The following ASPSCR1 variants were observed in gnomAD, a reference collection of about 807,000 sequenced individuals.
The protein encoded by ASPSCR1 is ASPSCR1 tether for SLC2A4, UBX domain containing.
ASPSCR1 carries 55 observed loss-of-function variants against 68.9 expected under a neutral mutation model. That is an observed-to-expected ratio of 0.80 (90% confidence interval 0.64 to 1.00). The LOEUF (loss-of-function observed/expected upper bound fraction) is 1.00, where lower values mean the gene tolerates loss of function less well. ASPSCR1 is among the 50% of genes least tolerant of loss of function. The pLI is 0.00. For missense variants in ASPSCR1, 765 were observed against 762.2 expected (o/e 1.00, Z -0.04); for synonymous variants, 352 against 332.6 (o/e 1.06, Z -0.63).
intron 4 of ASPSCR1, among the ~76,000 whole-genome samples, chr17:81,994,605 T>C (rs1312296913): frequency 1.3e-5 from 2 of 152,146 alleles, no homozygotes; most frequent in Non-Finnish European, 2.9e-5. Context: ...CCAGGGTCCT[T>C]GGGAGCGCCC....
chr17:82,013,565 G>A (rs1012482708), intron 12 of ASPSCR1: 10 of 152,228 alleles, frequency 6.6e-5, no homozygotes, highest in Admixed American at 1.3e-4. Context: ...GGCGGCGGGC[G>A]CGGAAGCACC....
chr17:82,010,528 CAAAAAAAAAA>C (rs1193895939), intron 9 of ASPSCR1, among the ~76,000 whole-genome samples: 1 of 57,184 alleles, frequency 1.7e-5, no homozygotes, highest in African/African-American at 7.3e-5. Flanking sequence ...GACTCCATCT[CAAAAAAAAAA>C]AAAAAAAAAA....
chr17:82,004,479 G>T (rs938033312), intron 7 of ASPSCR1: 2 of 152,376 alleles, frequency 1.3e-5, no homozygotes, highest in African/African-American at 4.8e-5. Flanking sequence ...GCAGAAGCAT[G>T]CAGGGGCTTC....
At chr17:82,015,600 G>A (rs2043096615) in intron 12 of ASPSCR1, 1 of 579,208 alleles carries the variant, frequency 1.7e-6, no homozygotes, top group South Asian at 2.0e-5. Context: ...CAGGTGGGAT[G>A]CAGATGGGGC....
intron 2 of ASPSCR1, among the ~76,000 whole-genome samples, chr17:81,982,275 T>C (rs757687384): frequency 2.0e-4 from 30 of 152,272 alleles, no homozygotes; most frequent in Non-Finnish European, 4.1e-4. Context: ...AGCGCATTGT[T>C]ACTTCTCAGT....
At chr17:81,981,487 T>C (rs970293710) in intron 2 of ASPSCR1, among the ~76,000 whole-genome samples, 8 of 152,248 alleles carry the variant, frequency 5.3e-5, no homozygotes, top group African/African-American at 1.9e-4. Context: ...CAAGTGATTC[T>C]TCTGCCTCAG....
chr17:82,009,013 G>A (rs369771511), intron 7 of ASPSCR1, 24 bp from the exon 8 acceptor site: 132 of 1,480,616 alleles, frequency 8.9e-5, no homozygotes, highest in Non-Finnish European at 1.1e-4. Context: ...GACACCCGCC[G>A]TCAGCCGCGC....
chr17:82,013,567 G>C (rs116428535), intron 12 of ASPSCR1: 1 of 152,216 alleles, frequency 6.6e-6, no homozygotes, highest in African/African-American at 2.4e-5. Flanking sequence ...CGGCGGGCGC[G>C]GAAGCACCAG....
chr17:82,003,894 G>A (rs978901474), intron 7 of ASPSCR1, among the ~76,000 whole-genome samples: 3 of 152,176 alleles, frequency 2.0e-5, no homozygotes, highest in Non-Finnish European at 4.4e-5. Context: ...CGTGTCTGGC[G>A]TAGTGATTCA....
chr17:81,992,422 G>A (rs1178330997), intron 4 of ASPSCR1, among the ~76,000 whole-genome samples: 1 of 152,240 alleles, frequency 6.6e-6, no homozygotes, highest in Non-Finnish European at 1.5e-5. Flanking sequence ...CCGGGCTGGC[G>A]TTTGATGTCA....
Position 81,987,264 on chromosome 17 carries a change from G to T in ASPSCR1, c.374+1657G>T, listed in dbSNP as rs1000036289. ...CGGGACCCGAGCCAGGAGTGGCGCC[G>T]GGCAGGGAGGCAGGCAGCCCCAGGC... On this transcript the variant is annotated intron_variant, in intron 4 of 15. Transcript: ENST00000306739. The surrounding 1 kb of genome is among the most constrained non-coding windows in gnomAD (Gnocchi z 5.6). Among the ~76,000 whole-genome samples the T allele has an allele frequency of 9.9e-5, 15 of 152,256 alleles. No individual in the cohort carries two copies. The highest frequency in any genetic ancestry group is 5.2e-4 in the Admixed American group (8 of 15,286).
rs1056108227 is a variant in ASPSCR1 at position 82,016,941 on chromosome 17, G to A, written c.1476G>A (p.Arg492=). 2 of 1,610,930 alleles carry A rather than the reference G, an allele frequency of 1.2e-6. No individual in the cohort carries two copies. Among genetic ancestry groups the A allele is most frequent in the Non-Finnish European group, 8.5e-7 (1 of 1,178,532 alleles). Residue 492 remains arginine, a splice_region_variant and synonymous_variant, in exon 15 of 16, where the codon AGG becomes AGA. Transcript: ENST00000306739. The part of the protein sequence containing the change: ...SPSAADVLVA[R]YMSRAAGSPS... The stretch of plus-strand genomic sequence containing the variant: ...ACTCTGTGTCTTCGCCTCCCCACAG[G>A]TACATGTCCAGGGCCGCCGGGTCCC...
chr17:82,005,002 C>T (rs1567982254), intron 7 of ASPSCR1: 1 of 152,502 alleles, frequency 6.6e-6, no homozygotes, highest in East Asian at 1.9e-4. Context: ...GTCTGGGCCT[C>T]TTTGCATCGG....
chr17:81,986,551 G>A lies in ASPSCR1; in HGVS notation c.374+944G>A, dbSNP rs2041998903. ...TGTCAATTTGGGTCTTTTCATCGTT[G>A]GCTGGAAGTCTCTGTCCACAGTAAA... On this transcript the variant is annotated intron_variant, in intron 4 of 15. Transcript: ENST00000306739. This position sits in a 1 kb window ranked among gnomAD's most constrained non-coding sequence, Gnocchi z 5.2. Among the ~76,000 whole-genome samples, 1 of 152,196 alleles carries A rather than the reference G, an allele frequency of 6.6e-6. No homozygotes were observed. The highest frequency in any genetic ancestry group is 1.5e-5 in the Non-Finnish European group (1 of 68,034).
Position 81,996,737 on chromosome 17 carries a change from GC to G in ASPSCR1, c.827del (p.Pro276LeufsTer72). 2 of 1,613,458 alleles carry G rather than the reference GC, an allele frequency of 1.2e-6. No homozygotes were observed. The highest frequency in any genetic ancestry group is 1.7e-6 in the Non-Finnish European group (2 of 1,180,000). On this transcript the variant is annotated frameshift_variant, in exon 7 of 16. Coordinates refer to ENST00000306739, the MANE Select transcript of ASPSCR1 (RefSeq NM_024083.4). LOFTEE classifies it high-confidence loss of function. ...SSAKLPKSLS[S>X]PGGPSKPKKS... ...GCTAAGTTGCCGAAGTCCCTCTCCA[GC>G]CCTGGAGGCCCCTCCAAGCCAAAGA...
chr17:82,016,451 C>A, intron 12 of ASPSCR1, 25 bp from the exon 13 acceptor site: 1 of 1,545,066 alleles, frequency 6.5e-7, no homozygotes. Context: ...ACACCCGGCC[C>A]CTGAGCCCCC....
At chr17:82,000,705 G>T (rs1243842801) in intron 7 of ASPSCR1, among the ~76,000 whole-genome samples, 2 of 152,238 alleles carry the variant, frequency 1.3e-5, no homozygotes, top group Non-Finnish European at 2.9e-5. Context: ...ACCCGGGGTG[G>T]TTCACAGACC....
chr17:81,984,217 T>C (rs895801193), intron 3 of ASPSCR1, among the ~76,000 whole-genome samples: 1 of 152,140 alleles, frequency 6.6e-6, no homozygotes, highest in Non-Finnish European at 1.5e-5. Context: ...CTTCCCTGGC[T>C]CAGGGTGTCA....
Position 81,996,671 on chromosome 17 carries a change from G to A in ASPSCR1, c.758G>A (p.Gly253Glu). The A allele has an allele frequency of 1.2e-6, 2 of 1,613,092 alleles. No homozygotes were observed. ...TTCTCGGGTGGGGGACAGAGACTGG[G>A]GGGCCCTCCTGGGCCCACGAGGCCT... ...VPFSGGGQRL[G>E]GPPGPTRPLT... Residue 253 changes from glycine to glutamate, a missense_variant, in exon 7 of 16, where the codon GGG becomes GAG. Physicochemically the swap from Gly to Glu is moderately conservative, Grantham distance 98. Transcript: ENST00000306739.
Sources: allele counts gnomAD v4.1 joint callset (sites outside exome capture counted in the v4.1 genomes callset), GRCh38; gene constraint gnomAD v4.1.1; non-coding constraint Gnocchi (gnomAD v3.1); transcripts MANE v1.5; gene names NCBI Gene and HGNC (gene_info 2026-07-23, HGNC 2026-07-21).